The following BLTP1 variants were observed in gnomAD, a reference collection of about 807,000 sequenced individuals.
BLTP1 encodes the protein bridge-like lipid transfer protein family member 1, also known as fragile site-associated protein.
the BLTP1 span, among the ~76,000 whole-genome samples, chr4:122,258,264 A>G: frequency 3.3e-5 from 5 of 152,246 alleles, no homozygotes; most frequent in Non-Finnish European, 7.3e-5. Flanking sequence ...ATTGATATAT[A>G]AAACTTTACC....
the BLTP1 span, chr4:122,222,036 T>A: frequency 2.9e-6 from 1 of 346,408 alleles, no homozygotes; most frequent in Non-Finnish European, 4.1e-6. Context: ...TATTTGGGGA[T>A]TAGAGAAGGA....
At chr4:122,271,349 A>C in the BLTP1 span, 1 of 1,613,860 alleles carries the variant, frequency 6.2e-7, no homozygotes, top group South Asian at 1.1e-5. Context: ...ACCTACCTTC[A>C]AAACCAGAAA....
the BLTP1 span, chr4:122,173,230 C>T: frequency 3.5e-6 from 5 of 1,434,752 alleles, no homozygotes; most frequent in Non-Finnish European, 4.8e-6. Flanking sequence ...GTTGCTATAA[C>T]TGAATGCCTG....
the BLTP1 span, chr4:122,154,545 T>G: frequency 1.1e-6 from 1 of 902,038 alleles, no homozygotes; most frequent in Non-Finnish European, 1.3e-6. Flanking sequence ...GCTTGCTCTT[T>G]AATCTACCTA....
chr4:122,192,186 C>T, the BLTP1 span: 1 of 1,589,716 alleles, frequency 6.3e-7, no homozygotes, highest in Non-Finnish European at 8.6e-7. Flanking sequence ...TTTTAATGGC[C>T]ATTTTAAATA....
At chr4:122,298,856 G>A in the BLTP1 span, 5 of 985,138 alleles carry the variant, frequency 5.1e-6, no homozygotes, top group African/African-American at 8.7e-5. Flanking sequence ...AACTGGGACT[G>A]AAAGACACAT....
chr4:122,349,748 T>C, the BLTP1 span: 1 of 1,539,262 alleles, frequency 6.5e-7, no homozygotes, highest in Non-Finnish European at 8.7e-7. The surrounding 1 kb of genome is among the most constrained non-coding windows in gnomAD (Gnocchi z 4.5). Context: ...CTCTTATTTA[T>C]TATGCAATTA....
chr4:122,314,181 G>C, the BLTP1 span: 1 of 966,834 alleles, frequency 1.0e-6, no homozygotes, highest in Non-Finnish European at 1.2e-6. Context: ...AAAACTGGGA[G>C]ATGTGGGCCA....
At chr4:122,171,695 A>T in the BLTP1 span, 2 of 367,802 alleles carry the variant, frequency 5.4e-6, no homozygotes, top group East Asian at 1.7e-4. Context: ...CATGACACCC[A>T]AGGATGTGGG....
chr4:122,354,001 A>G, the BLTP1 span: 1 of 1,613,634 alleles, frequency 6.2e-7, no homozygotes, highest in Non-Finnish European at 8.5e-7. Flanking sequence ...ATTATGTTAC[A>G]GCTACAAGGA....
the BLTP1 span, chr4:122,197,063 G>C: frequency 1.7e-6 from 1 of 590,154 alleles, no homozygotes; most frequent in Non-Finnish European, 2.7e-6. Flanking sequence ...GTAAAAATTT[G>C]AACTTTTGTT....
At chr4:122,152,403 A>G in the BLTP1 span, 5 of 985,238 alleles carry the variant, frequency 5.1e-6, no homozygotes, top group African/African-American at 3.5e-5. Context: ...GGCTGCGGCC[A>G]GGGTCTGGAC....
the BLTP1 span, among the ~76,000 whole-genome samples, chr4:122,169,147 G>A: frequency 6.6e-6 from 1 of 151,968 alleles, no homozygotes; most frequent in Non-Finnish European, 1.5e-5. Context: ...CAGAGATGGG[G>A]TCTCACTGTG....
the BLTP1 span, chr4:122,336,675 G>A: frequency 2.1e-6 from 2 of 974,378 alleles, no homozygotes; most frequent in South Asian, 4.8e-5. Flanking sequence ...TTTGTACAGT[G>A]TTTGGTATAG....
chr4:122,332,433 A>G, the BLTP1 span, among the ~76,000 whole-genome samples: 2 of 151,962 alleles, frequency 1.3e-5, no homozygotes, highest in African/African-American at 4.8e-5. Context: ...ATTTGGTTCA[A>G]CCTAATATAT....
the BLTP1 span, chr4:122,232,289 G>C: frequency 4.5e-6 from 1 of 221,026 alleles, no homozygotes; most frequent in Non-Finnish European, 7.6e-6. Context: ...GTGTGGGCGG[G>C]TTGGTTCCCT....
chr4:122,169,797 C>T, the BLTP1 span: 1 of 984,408 alleles, frequency 1.0e-6, no homozygotes, highest in Admixed American at 6.1e-5. Context: ...TATCTGATAG[C>T]AGGAGGTCTC....
chr4:122,298,919 G>T, the BLTP1 span: 2 of 985,182 alleles, frequency 2.0e-6, no homozygotes, highest in Admixed American at 1.2e-4. Context: ...AAATTATAAA[G>T]ACTTGCAGTA....
the BLTP1 span, among the ~76,000 whole-genome samples, chr4:122,338,402 G>A: frequency 6.6e-6 from 1 of 152,092 alleles, no homozygotes; most frequent in African/African-American, 2.4e-5. Flanking sequence ...GAGACTGGTA[G>A]GTTCAAAGGC....
Sources: gnomAD v4.1 joint callset for allele counts (sites outside exome capture counted in the v4.1 genomes callset) on GRCh38, gnomAD v4.1.1 for gene constraint, Gnocchi (gnomAD v3.1) non-coding constraint, MANE v1.5 for transcripts, NCBI Gene and HGNC (gene_info 2026-07-23, HGNC 2026-07-21) for gene names.